ARHGAP10: variants seen among roughly 807,000 people sequenced by gnomAD.
The protein encoded by ARHGAP10 is Rho GTPase activating protein 10, also known as rho GTPase-activating protein 10.
ARHGAP10 carries 87 observed loss-of-function variants against 108.6 expected under a neutral mutation model. The ratio of observed to expected loss-of-function variants is 0.80; its 90% CI spans 0.67 to 0.96. ARHGAP10 has a LOEUF of 0.96. Ranked by LOEUF, ARHGAP10 falls within the 40% of genes least tolerant of loss-of-function variation. ARHGAP10 has a pLI of 0.00. For missense variants in ARHGAP10, 939 were observed against 954.5 expected, an observed-to-expected ratio of 0.98 and a Z score of 0.21; for synonymous variants, 347 against 341.1, an observed-to-expected ratio of 1.02 and a Z score of -0.19.
intron 22 of ARHGAP10, among the ~76,000 whole-genome samples, chr4:148,070,526 T>G (rs1730124585): frequency 6.6e-6 from 1 of 152,230 alleles, no homozygotes; most frequent in African/African-American, 2.4e-5. Context: ...TGTGGGCAGC[T>G]ATACCTTAGA....
At chr4:147,946,756 C>A in intron 15 of ARHGAP10, 52 bp downstream of exon 15, 1 of 1,351,226 alleles carries the variant, frequency 7.4e-7, no homozygotes, top group Non-Finnish European at 1.0e-6. Context: ...GGATCTGTAA[C>A]ATAAAACAGA....
rs1030320121 is a variant in ARHGAP10, at chr4:147,795,422, A to G, written c.155-27305A>G. 5.3e-5 allele frequency among the ~76,000 whole-genome samples: 8 copies of G among 151,508 alleles called. No individual in the cohort carries two copies. In the South Asian group the frequency reaches 8.3e-4, roughly 16 times the overall value. The stretch of plus-strand genomic sequence containing the variant: ...TGGTTCTGCTGCAGTCAAAAATTAT[A>G]TTTTTTCCTTGAGGGTTAGCTCTGC... On this transcript the variant is annotated intron_variant, in intron 1 of 22. Transcript: ENST00000336498.
chr4:147,954,294 T>C (rs1267679532), intron 15 of ARHGAP10, among the ~76,000 whole-genome samples: 1 of 152,030 alleles, frequency 6.6e-6, no homozygotes, highest in Non-Finnish European at 1.5e-5. Context: ...GAGAGGTGTT[T>C]AACTCTCTGA....
chr4:148,063,619 G>GT (rs1236031097), intron 21 of ARHGAP10, among the ~76,000 whole-genome samples: 1 of 152,180 alleles, frequency 6.6e-6, no homozygotes, highest in Non-Finnish European at 1.5e-5. Context: ...CACATTCTTC[G>GT]TTTTAAAAGT....
intron 1 of ARHGAP10, among the ~76,000 whole-genome samples, chr4:147,761,017 C>A: frequency 7.1e-6 from 1 of 141,368 alleles, no homozygotes; most frequent in African/African-American, 2.6e-5. Context: ...TTAGAGTTAA[C>A]TTTTTTTTTT....
chr4:147,773,003 C>G (rs1471469614), intron 1 of ARHGAP10, among the ~76,000 whole-genome samples: 1 of 152,032 alleles, frequency 6.6e-6, no homozygotes, highest in Non-Finnish European at 1.5e-5. Flanking sequence ...TGACGGAACT[C>G]CTGCATTCCA....
chr4:147,835,929 G>A (rs560413439), intron 3 of ARHGAP10, among the ~76,000 whole-genome samples: 1 of 152,314 alleles, frequency 6.6e-6, no homozygotes, highest in Admixed American at 6.5e-5. Context: ...TATGCACAGA[G>A]GGAAGGAAGA....
chr4:147,855,047 G>C lies in ARHGAP10; in HGVS notation c.385-2506G>C, dbSNP rs77739246. Among the ~76,000 whole-genome samples, 933 of 152,324 alleles carry C rather than the reference G, an allele frequency of 6.1e-3. 10 individuals carry two copies. The highest frequency in any genetic ancestry group is 0.021 in the African/African-American group (877 of 41,584). On this transcript the variant is annotated intron_variant, in intron 4 of 22. Coordinates refer to ENST00000336498, the MANE Select transcript of ARHGAP10 (RefSeq NM_024605.4). ...CTGTGATTCAGATTAAATCAAATAA[G>C]GTGGTAAAAATGTTTTCCATGTTCC...
chr4:147,849,177 T>C (rs914313124), intron 4 of ARHGAP10, among the ~76,000 whole-genome samples: 5 of 152,128 alleles, frequency 3.3e-5, no homozygotes, highest in Middle Eastern at 6.4e-3. Context: ...TGTAATGATA[T>C]GTAAACTATG....
chr4:147,790,738 T>C (rs1731084698), intron 1 of ARHGAP10, among the ~76,000 whole-genome samples: 1 of 152,244 alleles, frequency 6.6e-6, no homozygotes. Context: ...ATAAGTTTTA[T>C]CAAGTTTCCT....
chr4:147,996,604 G>A (rs762299303), intron 18 of ARHGAP10, among the ~76,000 whole-genome samples: 3 of 152,184 alleles, frequency 2.0e-5, no homozygotes, highest in Non-Finnish European at 4.4e-5. Context: ...CAAAACCACA[G>A]CAATGAGGGC....
intron 20 of ARHGAP10, among the ~76,000 whole-genome samples, chr4:148,051,409 G>A (rs1251302033): frequency 6.6e-6 from 1 of 152,198 alleles, no homozygotes; most frequent in Non-Finnish European, 1.5e-5. Flanking sequence ...ATGGAGCCGG[G>A]TCCTTGACAA....
chr4:147,988,571 G>C (rs1740130109), intron 18 of ARHGAP10, among the ~76,000 whole-genome samples: 1 of 152,108 alleles, frequency 6.6e-6, no homozygotes, highest in Admixed American at 6.5e-5. Flanking sequence ...CCAGAAAATT[G>C]AATGTTTATA....
intron 13 of ARHGAP10, among the ~76,000 whole-genome samples, chr4:147,937,582 C>T (rs867264114): frequency 2.0e-5 from 3 of 152,204 alleles, no homozygotes; most frequent in East Asian, 1.9e-4. Flanking sequence ...TAATATAAAT[C>T]GTCCTGTTAT....
chr4:147,863,142 G>A (rs937637632), intron 5 of ARHGAP10: 8 of 152,150 alleles, frequency 5.3e-5, no homozygotes, highest in Admixed American at 2.0e-4. Flanking sequence ...TGGCCCAGTG[G>A]TATTAAGTAC....
At chr4:147,786,333 T>G (rs1403448313) in intron 1 of ARHGAP10, among the ~76,000 whole-genome samples, 3 of 152,300 alleles carry the variant, frequency 2.0e-5, no homozygotes, top group Admixed American at 6.5e-5. Context: ...ACAACAACAT[T>G]CAGGTTATGT....
intron 13 of ARHGAP10, among the ~76,000 whole-genome samples, chr4:147,939,192 A>G (rs1230826500): frequency 6.6e-6 from 1 of 152,220 alleles, no homozygotes; most frequent in Non-Finnish European, 1.5e-5. Context: ...AGGTTTGACA[A>G]TACATTTTCT....
chr4:147,801,948 T>C (rs1012914185), intron 1 of ARHGAP10, among the ~76,000 whole-genome samples: 3 of 152,124 alleles, frequency 2.0e-5, no homozygotes, highest in Admixed American at 6.5e-5. Flanking sequence ...CCAAAACTCT[T>C]TGGATGTCTG....
At chr4:148,059,696 A>C (rs1434830122) in intron 20 of ARHGAP10, among the ~76,000 whole-genome samples, 3 of 152,102 alleles carry the variant, frequency 2.0e-5, no homozygotes, top group Non-Finnish European at 4.4e-5. Context: ...TACTGTCAAG[A>C]ACTGTGAAGG....
Sources: gnomAD v4.1 joint callset for allele counts (sites outside exome capture counted in the v4.1 genomes callset) on GRCh38, gnomAD v4.1.1 for gene constraint, MANE v1.5 for transcripts, NCBI Gene and HGNC (gene_info 2026-07-23, HGNC 2026-07-21) for gene names.